Variants in UNC5B observed in about 807,000 individuals in gnomAD.
UNC5B encodes the protein netrin receptor UNC5B.
In UNC5B, 56 loss-of-function variants were observed where a neutral mutation model predicts 103.7. The observed-to-expected ratio is 0.54, with a 90% confidence interval of 0.44 to 0.67. The LOEUF is 0.67. Ranked by LOEUF, UNC5B falls within the 30% of genes least tolerant of loss-of-function variation. The probability of loss-of-function intolerance (pLI) is 0.00; values close to 1 mark genes in which losing one functional copy is unlikely to be tolerated. For synonymous variants in UNC5B, 577 were observed against 542.0 expected (o/e 1.06, Z -0.90); for missense variants, 1,194 against 1,284.5 (o/e 0.93, Z 1.08).
In UNC5B at chr10:71,270,338, G is replaced by A. The variant is rs904802526; in HGVS notation, c.80-9483G>A. Among the ~76,000 whole-genome samples, 22 of 55,746 alleles carry A rather than the reference G, an allele frequency of 3.9e-4. 1 individual carries two copies. The highest frequency in any genetic ancestry group is 9.2e-4 in the Non-Finnish European group (21 of 22,784). The allele number at this position is 55,746 out of a possible 152,430, so 36.6% of individuals were successfully genotyped here. A position where few individuals can be genotyped will look rare whatever the true frequency, so the allele number is the denominator to read the frequency against. ...CCTGGGTGACAGAATGAGACTCTGC[G>A]GAAGGGAGGGAGGGAGGGAGGGAGG... On this transcript the variant is annotated intron_variant, in intron 1 of 16. Transcript: ENST00000335350.
Position 71,287,655 on chromosome 10 carries a change from G to A in UNC5B, c.791G>A (p.Arg264Gln), listed in dbSNP as rs528955589. ...TCACCCTGCTCCAACCGCTGTGGCC[G>A]AGGCTGGCAGAAGCGCACCCGGACC... ...EWSPCSNRCGRGWQKRTRTCT... is the reference protein window; with the variant it reads ...EWSPCSNRCGQGWQKRTRTCT... Residue 264 changes from arginine to glutamine, a missense_variant, in exon 6 of 17, where the codon CGA becomes CAA. Transcript: ENST00000335350. 3.7e-5 allele frequency: 60 copies of A among 1,612,768 alleles called. No individual in the cohort carries two copies. The highest frequency in any genetic ancestry group is 2.4e-4 in the South Asian group (22 of 90,944).
intron 11 of UNC5B, 35 bp downstream of exon 11, chr10:71,292,589 C>T (rs1435983204): frequency 5.1e-6 from 8 of 1,557,090 alleles, no homozygotes; most frequent in Non-Finnish European, 5.2e-6. Flanking sequence ...CCTTTTTCTT[C>T]CTCCCATCCC....
chr10:71,284,272 A>C (rs1442380844), intron 2 of UNC5B, among the ~76,000 whole-genome samples: 1 of 152,036 alleles, frequency 6.6e-6, no homozygotes, highest in Non-Finnish European at 1.5e-5. Context: ...CAGGGGACTG[A>C]TGTGCAAGGG....
In UNC5B at chr10:71,291,692, A is replaced by G; in HGVS notation, c.1555A>G (p.Thr519Ala). Residue 519 changes from threonine (T) to alanine (A), a missense_variant, in exon 10 of 17, where the codon ACC becomes GCC. By Grantham distance (58) the Thr-to-Ala change is moderately conservative (BLOSUM62 0). Transcript: ENST00000335350. ...ATACCCTAGCGATTTCGCCCGGGAC[A>G]CCCACTTCCTGCACCTGCGCAGCGC... Reference protein sequence around the residue: ...GTYPSDFARDTHFLHLRSASL... With the variant: ...GTYPSDFARDAHFLHLRSASL... The G allele has an allele frequency of 6.2e-7, 1 of 1,613,234 alleles. No homozygotes were observed. The highest frequency in any genetic ancestry group is 8.5e-7 in the Non-Finnish European group (1 of 1,180,014).
chr10:71,271,844 G>A (rs1010976075), intron 1 of UNC5B, among the ~76,000 whole-genome samples: 5 of 152,192 alleles, frequency 3.3e-5, no homozygotes, highest in Admixed American at 3.3e-4. Flanking sequence ...GTGATGTCAG[G>A]GCACAGATGG....
intron 1 of UNC5B, among the ~76,000 whole-genome samples, chr10:71,227,725 C>T (rs979913608): frequency 1.4e-5 from 2 of 143,774 alleles, no homozygotes; most frequent in Non-Finnish European, 3.0e-5. Context: ...CACACACACA[C>T]ACACACACAC....
At chr10:71,231,644 A>C (rs1843686079) in intron 1 of UNC5B, among the ~76,000 whole-genome samples, 1 of 151,994 alleles carries the variant, frequency 6.6e-6, no homozygotes, top group Non-Finnish European at 1.5e-5. Flanking sequence ...TAAAAATCTT[A>C]AGAGTTTTTT....
chr10:71,275,335 G>C (rs1844743752), intron 1 of UNC5B, among the ~76,000 whole-genome samples: 1 of 152,204 alleles, frequency 6.6e-6, no homozygotes, highest in Admixed American at 6.5e-5. Flanking sequence ...AACTTCTAGG[G>C]GAGCCTGTCT....
chr10:71,232,650 G>A (rs1425780025), intron 1 of UNC5B, among the ~76,000 whole-genome samples: 1 of 152,276 alleles, frequency 6.6e-6, no homozygotes, highest in African/African-American at 2.4e-5. Flanking sequence ...CATGTCTTCA[G>A]TTGGTTAAGA....
intron 1 of UNC5B, among the ~76,000 whole-genome samples, chr10:71,241,860 CAATAGAGAT>C (rs1056909975): frequency 3.3e-5 from 5 of 152,130 alleles, no homozygotes; most frequent in Non-Finnish European, 7.3e-5. Context: ...AAACTTCTAA[CAATAGAGAT>C]AATAGCAGCC....
chr10:71,222,825 A>G (rs1843478258), intron 1 of UNC5B, among the ~76,000 whole-genome samples: 1 of 152,216 alleles, frequency 6.6e-6, no homozygotes, highest in Non-Finnish European at 1.5e-5. Context: ...CCTTCAGGAG[A>G]CAAAGCCCAA....
intron 14 of UNC5B, 29 bp downstream of exon 14, chr10:71,295,989 G>A: frequency 3.1e-6 from 5 of 1,612,038 alleles, no homozygotes; most frequent in Non-Finnish European, 4.2e-6. Context: ...GATGGGGAGG[G>A]GCACCACTTA....
At chr10:71,290,280 C>T (rs765536814) in intron 8 of UNC5B, among the ~76,000 whole-genome samples, 1 of 152,096 alleles carries the variant, frequency 6.6e-6, no homozygotes, top group Non-Finnish European at 1.5e-5. Context: ...TTGAGGCTTC[C>T]CGCCTGGCCA....
At chr10:71,230,558 C>A (rs532279477) in intron 1 of UNC5B, among the ~76,000 whole-genome samples, 1 of 152,388 alleles carries the variant, frequency 6.6e-6, no homozygotes, top group East Asian at 1.9e-4. Flanking sequence ...TCTGCCCTCC[C>A]CACCTCATCA....
At chr10:71,286,667 C>G in intron 4 of UNC5B, 22 bp from the exon 5 acceptor site, 15 of 1,613,416 alleles carry the variant, frequency 9.3e-6, no homozygotes, top group Non-Finnish European at 1.3e-5. Context: ...CCCTCACTGC[C>G]CCCTCACCCC....
intron 1 of UNC5B, among the ~76,000 whole-genome samples, chr10:71,262,058 TTC>T (rs1390310977): frequency 6.6e-6 from 1 of 152,024 alleles, no homozygotes; most frequent in Non-Finnish European, 1.5e-5. Flanking sequence ...GCCCAGACTG[TTC>T]GCTCTCAACT....
chr10:71,257,561 A>G (rs1844319772), intron 1 of UNC5B, among the ~76,000 whole-genome samples: 3 of 152,144 alleles, frequency 2.0e-5, no homozygotes, highest in African/African-American at 7.2e-5. Context: ...TTCCTCCTGC[A>G]TGCCAAGCCC....
intron 1 of UNC5B, among the ~76,000 whole-genome samples, chr10:71,236,477 C>T (rs12766963): frequency 0.062 from 9,462 of 152,292 alleles, 349 homozygotes; most frequent in East Asian, 0.18. Flanking sequence ...CTGAGCCCCC[C>T]TTCAGAGCCA....
At chr10:71,215,938 G>A (rs1399029838) in intron 1 of UNC5B, among the ~76,000 whole-genome samples, 1 of 151,978 alleles carries the variant, frequency 6.6e-6, no homozygotes, top group Non-Finnish European at 1.5e-5. Flanking sequence ...TAAACAAATG[G>A]AAAATCAAGT....
Sources: gnomAD v4.1 joint callset for allele counts (sites outside exome capture counted in the v4.1 genomes callset) on GRCh38, gnomAD v4.1.1 for gene constraint, MANE v1.5 for transcripts, NCBI Gene and HGNC (gene_info 2026-07-23, HGNC 2026-07-21) for gene names.